The following FRY variants were observed in gnomAD, a reference collection of about 807,000 sequenced individuals.
FRY encodes FRY microtubule binding protein, also known as protein furry homolog.
A neutral mutation model predicts 348.4 loss-of-function variants in FRY; 128 were observed. The ratio of observed to expected loss-of-function variants is 0.37; its 90% CI spans 0.32 to 0.43. The LOEUF is 0.43. Among genes scored for constraint, FRY ranks in the 20% least tolerant of loss-of-function variants. FRY has a pLI of 1.00. For synonymous variants in FRY, 1,370 were observed against 1,374.7 expected, an observed-to-expected ratio of 1.00 and a Z score of 0.08; for missense variants, 2,736 against 3,695.2, an observed-to-expected ratio of 0.74 and a Z score of 6.73.
Position 32,185,002 on chromosome 13 carries a change from C to T in FRY, c.3173C>T (p.Thr1058Ile). ...DSTNGALERD[T>I]LALGALFLEY... ...ACAAATGGAGCCCTAGAGCGGGATACTTTAGCCCTGGGAGCTTTGTTCTTA... is the reference window on the plus strand; with the variant it reads ...ACAAATGGAGCCCTAGAGCGGGATATTTTAGCCCTGGGAGCTTTGTTCTTA... The change falls in exon 26 of 61, where the codon ACT becomes ATT. Residue 1058 changes from threonine (T) to isoleucine (I), a missense_variant. Transcript: ENST00000542859. 3 of 1,614,012 alleles carry T rather than the reference C, an allele frequency of 1.9e-6. No individual in the cohort carries two copies. Among genetic ancestry groups the T allele is most frequent in the Non-Finnish European group, 1.7e-6 (2 of 1,179,910 alleles).
At chr13:32,125,274 C>A (rs1185623787) in intron 7 of FRY, among the ~76,000 whole-genome samples, 1 of 152,290 alleles carries the variant, frequency 6.6e-6, no homozygotes, top group South Asian at 2.1e-4. Flanking sequence ...TTACTATAGA[C>A]CTTACTTAAT....
chr13:32,189,586 A>G (rs1259257092), intron 28 of FRY, among the ~76,000 whole-genome samples: 1 of 151,946 alleles, frequency 6.6e-6, no homozygotes, highest in East Asian at 1.9e-4. Flanking sequence ...ATTTGTTACA[A>G]TACTAAAAAA....
At position 32,224,971 on chromosome 13, in the gene FRY, T is replaced by C. The variant is rs1361840853; in HGVS notation, c.4955T>C (p.Val1652Ala). ...IAVIFMTEMVVDHSVREDWAL... is the reference protein window; with the variant it reads ...IAVIFMTEMVADHSVREDWAL... The stretch of plus-strand genomic sequence containing the variant: ...GTAATTTTTATGACTGAAATGGTGG[T>C]GGATCACAGTGTACGAGAAGACTGG... The change falls in exon 38 of 61, where the codon GTG becomes GCG. Residue 1652 changes from valine (V) to alanine (A), a missense_variant. Val to Ala is a moderately conservative substitution (Grantham distance 64). This residue lies in a region of FRY where 794 missense variants were observed against 977.0 expected (regional missense o/e 0.81). Transcript: ENST00000542859. 1 of 1,611,560 alleles carries C rather than the reference T, an allele frequency of 6.2e-7. No homozygotes were observed. The highest frequency in any genetic ancestry group is 2.2e-5 in the East Asian group (1 of 44,860).
chr13:32,217,294 T>G (rs1196888451), intron 35 of FRY, among the ~76,000 whole-genome samples: 1 of 152,184 alleles, frequency 6.6e-6, no homozygotes, highest in Non-Finnish European at 1.5e-5. Context: ...TGTGTATCAT[T>G]TTATATAAAA....
intron 17 of FRY, among the ~76,000 whole-genome samples, chr13:32,162,561 A>G (rs978256040): frequency 6.6e-6 from 1 of 151,834 alleles, no homozygotes; most frequent in African/African-American, 2.4e-5. Context: ...GCCCTTTCCC[A>G]TTCTTTAATT....
rs753148319 is a variant in FRY, at chr13:32,267,234, G to T, written c.8011G>T (p.Ala2671Ser). 1 of 1,612,938 alleles carries T rather than the reference G, an allele frequency of 6.2e-7. No homozygotes were observed. Among genetic ancestry groups the T allele is most frequent in the East Asian group, 2.2e-5 (1 of 44,734 alleles). ...PSPFFSAILA[A>S]FQPAACDDAE... ...GCCCTTCTTCTCAGCCATCCTTGCC[G>T]CCTTTCAGCCCGCAGCCTGTGACGA... The change falls in exon 55 of 61, where the codon GCC becomes TCC. Residue 2671 changes from alanine to serine, a missense_variant. This residue lies in a region of FRY where 789 missense variants were observed against 996.2 expected (regional missense o/e 0.79). Coordinates refer to ENST00000542859, the MANE Select transcript of FRY (RefSeq NM_023037.3).
intron 1 of FRY, among the ~76,000 whole-genome samples, chr13:32,054,378 C>T (rs572774844): frequency 2.0e-5 from 3 of 151,770 alleles, no homozygotes; most frequent in Non-Finnish European, 4.4e-5. Flanking sequence ...TACATCTTGT[C>T]TTTTGATTTT....
At position 32,274,588 on chromosome 13, in the gene FRY, C is replaced by T. The variant is rs572091487; in HGVS notation, c.8137-254C>T. On this transcript the variant is annotated intron_variant, in intron 55 of 60. Transcript: ENST00000542859. ...GCGTGGTGGCAGGCACCTGTAGTCCCAGCTACTCGGGAGGCTGAGGCAGGA... is the reference window on the plus strand; with the variant it reads ...GCGTGGTGGCAGGCACCTGTAGTCCTAGCTACTCGGGAGGCTGAGGCAGGA... Among the ~76,000 whole-genome samples, 17 of 151,206 alleles carry T rather than the reference C, an allele frequency of 1.1e-4. No individual in the cohort carries two copies. In the East Asian group the frequency reaches 3.3e-3, roughly 30 times the overall value.
chr13:32,184,921 T>C, intron 25 of FRY, 55 bp from the exon 26 acceptor site: 1 of 1,434,246 alleles, frequency 7.0e-7, no homozygotes, highest in South Asian at 1.1e-5. Context: ...ATGAAGCCTG[T>C]ATTACTTTGA....
intron 1 of FRY, among the ~76,000 whole-genome samples, chr13:32,065,025 G>T (rs1010055743): frequency 6.6e-6 from 1 of 152,158 alleles, no homozygotes; most frequent in African/African-American, 2.4e-5. Context: ...AAACCTATGT[G>T]ATTGAACCTG....
chr13:32,267,733 T>C (rs1269622679), intron 55 of FRY, among the ~76,000 whole-genome samples: 1 of 152,188 alleles, frequency 6.6e-6, no homozygotes, highest in Non-Finnish European at 1.5e-5. Context: ...TTCCTTTCCT[T>C]GTCTTTTCTC....
intron 1 of FRY, among the ~76,000 whole-genome samples, chr13:32,057,497 G>T (rs1430293272): frequency 2.0e-5 from 3 of 152,094 alleles, no homozygotes; most frequent in African/African-American, 7.2e-5. Context: ...AGTGAGAGTA[G>T]TTGTATGATC....
chr13:32,225,228 C>G (rs1692038924), intron 38 of FRY, among the ~76,000 whole-genome samples, 192 bp downstream of exon 38: 1 of 152,226 alleles, frequency 6.6e-6, no homozygotes, highest in Non-Finnish European at 1.5e-5. Context: ...TGAAATTGCT[C>G]TATTTCTACC....
At chr13:32,131,608 G>C in intron 7 of FRY, 64 bp from the exon 8 acceptor site, 1 of 1,112,500 alleles carries the variant, frequency 9.0e-7, no homozygotes, top group Non-Finnish European at 1.4e-6. Context: ...CCAGATGCTG[G>C]AGGCCCCCAT....
intron 58 of FRY, among the ~76,000 whole-genome samples, chr13:32,283,162 A>C (rs1387479459): frequency 1.3e-5 from 2 of 151,784 alleles, no homozygotes; most frequent in Non-Finnish European, 2.9e-5. Flanking sequence ...ACAAAACAAC[A>C]ACAACGAAAA....
intron 1 of FRY, among the ~76,000 whole-genome samples, chr13:32,071,341 A>G (rs1874645426): frequency 6.6e-6 from 1 of 152,184 alleles, no homozygotes; most frequent in African/African-American, 2.4e-5. Flanking sequence ...CTTCCTATCC[A>G]TGTGCATTGA....
intron 28 of FRY, among the ~76,000 whole-genome samples, chr13:32,191,897 A>T (rs930289644): frequency 1.3e-5 from 2 of 152,210 alleles, no homozygotes; most frequent in African/African-American, 4.8e-5. Flanking sequence ...GGTTGCGGGG[A>T]TACAAACATT....
chr13:32,110,266 A>G (rs1333694079), intron 3 of FRY, among the ~76,000 whole-genome samples: 1 of 152,194 alleles, frequency 6.6e-6, no homozygotes, highest in African/African-American at 2.4e-5. Context: ...CTTATCTGGC[A>G]TCTGTGGAGA....
intron 14 of FRY, among the ~76,000 whole-genome samples, chr13:32,150,219 A>G (rs993098011): frequency 1.1e-4 from 16 of 152,240 alleles, no homozygotes; most frequent in African/African-American, 3.1e-4. Context: ...GTGTAATAAT[A>G]AAAATAGTAA....
Sources: allele counts gnomAD v4.1 joint callset (sites outside exome capture counted in the v4.1 genomes callset), GRCh38; gene constraint gnomAD v4.1.1; regional missense constraint gnomAD v4.1.1; transcripts MANE v1.5; gene names NCBI Gene and HGNC (gene_info 2026-07-23, HGNC 2026-07-21).